The following RPL6 variants were observed in gnomAD, a reference collection of about 807,000 sequenced individuals.
The protein encoded by RPL6 is large ribosomal subunit protein eL6.
Under a neutral mutation model 32.1 loss-of-function variants are expected in RPL6, and 1 was observed. That is an observed-to-expected ratio of 0.03 (90% CI 0.01 to 0.15). RPL6 has a LOEUF of 0.15. Among genes scored for constraint, RPL6 ranks in the 10% least tolerant of loss-of-function variants. RPL6 has a pLI of 1.00. For synonymous variants in RPL6, 126 were observed against 131.6 expected (o/e 0.96, Z 0.29); for missense variants, 275 against 354.6 (o/e 0.78, Z 1.80).
intron 2 of RPL6, 28 bp downstream of exon 2, chr12:112,408,392 A>G (rs754681182): frequency 1.2e-6 from 2 of 1,613,816 alleles, no homozygotes; most frequent in South Asian, 2.2e-5. Context: ...AGGTTAAGAC[A>G]TAATGGTCCG....
Position 112,408,449 on chromosome 12 carries a change from T to G in RPL6, c.208A>C (p.Lys70Gln), listed in dbSNP as rs769036311. The G allele has an allele frequency of 6.8e-6, 11 of 1,614,186 alleles. No homozygotes were observed. Among genetic ancestry groups the G allele is most frequent in the Non-Finnish European group, 9.3e-6 (11 of 1,180,044 alleles). Residue 70 changes from lysine to glutamine, a missense_variant, in exon 2 of 7, where the codon AAG (lysine) becomes CAG (glutamine). Lys to Gln is a moderately conservative substitution (Grantham distance 53, BLOSUM62 1). Transcript: ENST00000202773. Reference protein sequence around the residue: ...SAMYSRKAMYKRKYSAAKSKV... With the variant: ...SAMYSRKAMYQRKYSAAKSKV... ...GATTTAGCGGCTGAGTACTTCCTCT[T>G]GTACATGGCCTTTCTGGAATACATG...
At chr12:112,406,142 T>C in intron 5 of RPL6, 105 bp from the exon 6 acceptor site, 1 of 1,227,852 alleles carries the variant, frequency 8.1e-7, no homozygotes, top group Non-Finnish European at 1.2e-6. Flanking sequence ...AGACCACTTG[T>C]CTAACCCACT....
chr12:112,408,481 C>G lies in RPL6; in HGVS notation c.176G>C (p.Arg59Pro). The change falls in exon 2 of 7, where the codon CGA becomes CCA. Residue 59 changes from arginine to proline, a missense_variant. Physicochemically the swap from Arg to Pro is moderately radical, Grantham distance 103. Coordinates refer to ENST00000202773, the MANE Select transcript of RPL6 (RefSeq NM_000970.6). ...GGCCTTTCTGGAATACATGGCAGAT[C>G]GGGAATACCTGCCAATTCCTCTGAC... is the stretch of plus-strand genomic sequence containing the variant. ...VLVRGIGRYSRSAMYSRKAMY... is the reference protein window; with the variant it reads ...VLVRGIGRYSPSAMYSRKAMY... 1 of 1,614,068 alleles carries G rather than the reference C, an allele frequency of 6.2e-7. No homozygotes were observed.
upstream of RPL6, among the ~76,000 whole-genome samples, chr12:112,413,431 G>T (rs551786394): frequency 2.1e-3 from 313 of 152,156 alleles, 2 homozygotes; most frequent in African/African-American, 7.2e-3. Context: ...CCAGCTACTC[G>T]GGAGGCTGAG....
At chr12:112,412,132 C>T (rs952793539), upstream of RPL6, among the ~76,000 whole-genome samples, 22 of 151,020 alleles carry the variant, frequency 1.5e-4, no homozygotes, top group South Asian at 4.2e-4. Context: ...CTTCGCCTCC[C>T]GGGTTCACGC....
chr12:112,410,153 G>GA (rs1181850603), upstream of RPL6, among the ~76,000 whole-genome samples: 1 of 151,248 alleles, frequency 6.6e-6, no homozygotes, highest in East Asian at 1.9e-4. Flanking sequence ...ACAAAAAAAA[G>GA]AAAAAAAGAA....
Position 112,408,665 on chromosome 12 carries a change from A to AC in RPL6, c.1-10_1-9insG, listed in dbSNP as rs1555264069. 1 of 1,560,914 alleles carries AC rather than the reference A, an allele frequency of 6.4e-7. No homozygotes were observed. The highest frequency in any genetic ancestry group is 8.6e-7 in the Non-Finnish European group (1 of 1,166,272). On this transcript the variant is annotated splice_polypyrimidine_tract_variant and intron_variant, in intron 1 of 6. Transcript: ENST00000202773. Reference sequence around the variant, plus strand: ...ACTTTTTCACCCGCCATCTAAAAATATTTTTTTGTAGATAAAAAAAGGCAT... The same window carrying AC: ...ACTTTTTCACCCGCCATCTAAAAATACTTTTTTTGTAGATAAAAAAAGGCAT...
At chr12:112,415,742 T>C (rs1703062046) in intron 1 of RPL6, among the ~76,000 whole-genome samples, 1 of 151,780 alleles carries the variant, frequency 6.6e-6, no homozygotes, top group African/African-American at 2.4e-5. Context: ...TTTTTTTTTT[T>C]TGTAGGGACA....
Position 112,405,935 on chromosome 12 carries a change from T to A in RPL6, c.632A>T (p.His211Leu). The part of the protein sequence containing the change: ...IDISNVKIPK[H>L]LTDAYFKKKK... ...CTTCTTGAAGTAAGCATCAGTAAGATGTTTTGGGATTTTTACATTGCTGAT... is the reference window on the plus strand; with the variant it reads ...CTTCTTGAAGTAAGCATCAGTAAGAAGTTTTGGGATTTTTACATTGCTGAT... Residue 211 changes from histidine (H) to leucine (L), a missense_variant, in exon 6 of 7, where the codon CAT (histidine) becomes CTT (leucine). Physicochemically the swap from His to Leu is moderately conservative, Grantham distance 99 (BLOSUM62 -3). Coordinates refer to ENST00000202773, the MANE Select transcript of RPL6 (RefSeq NM_000970.6). The A allele has an allele frequency of 1.2e-6, 2 of 1,614,034 alleles. No homozygotes were observed. The highest frequency in any genetic ancestry group is 3.3e-4 in the Middle Eastern group (2 of 6,062).
At chr12:112,406,172 T>C in intron 5 of RPL6, 122 bp downstream of exon 5, 1 of 1,186,898 alleles carries the variant, frequency 8.4e-7, no homozygotes, top group Non-Finnish European at 1.2e-6. Context: ...GGCAATGAAA[T>C]GGGCCTCAGA....
intron 1 of RPL6, chr12:112,408,877 G>A: frequency 2.0e-6 from 1 of 506,276 alleles, no homozygotes; most frequent in Non-Finnish European, 3.4e-6. Context: ...TTTTTTTTGA[G>A]AATTTGAAAC....
upstream of RPL6, among the ~76,000 whole-genome samples, chr12:112,410,596 T>C (rs143579353): frequency 8.1e-6 from 1 of 124,124 alleles, no homozygotes; most frequent in Admixed American, 9.3e-5. Context: ...TTTTTTGAGA[T>C]GGAGTCTCGC....
Position 112,407,041 on chromosome 12 carries a change from T to A in RPL6, c.337-151A>T. ...CCATTTTCATTTCTGCTAAGTAGACTTGGAAAAGGTCAATTATGCTTCTGC... is the reference window on the plus strand; with the variant it reads ...CCATTTTCATTTCTGCTAAGTAGACATGGAAAAGGTCAATTATGCTTCTGC... On this transcript the variant is annotated intron_variant, in intron 3 of 6. Transcript: ENST00000202773. 1.2e-5 allele frequency: 9 copies of A among 763,342 alleles called. No individual in the cohort carries two copies. In the South Asian group the frequency reaches 2.0e-4, roughly 17 times the overall value. The allele number at this position is 763,342 out of a possible 1,614,324, so 47.3% of individuals were successfully genotyped here. A position where few individuals can be genotyped will look rare whatever the true frequency, so the allele number is the denominator to read the frequency against.
At position 112,405,927 on chromosome 12, in the gene RPL6, C is replaced by T. The variant is rs757478551; in HGVS notation, c.640G>A (p.Asp214Asn). 2 of 1,613,994 alleles carry T rather than the reference C, an allele frequency of 1.2e-6. No individual in the cohort carries two copies. The highest frequency in any genetic ancestry group is 1.7e-5 in the Admixed American group (1 of 59,990). Reference protein sequence around the residue: ...SNVKIPKHLTDAYFKKKKLRK... With the variant: ...SNVKIPKHLTNAYFKKKKLRK... ...AGCTTCTTCTTCTTGAAGTAAGCAT[C>T]AGTAAGATGTTTTGGGATTTTTACA... Residue 214 changes from aspartate (D) to asparagine (N), a missense_variant, in exon 6 of 7, where the codon GAT (aspartate) becomes AAT (asparagine). Coordinates refer to ENST00000202773, the MANE Select transcript of RPL6 (RefSeq NM_000970.6).
chr12:112,409,166 G>A (rs551005835), intron 1 of RPL6: 2 of 310,888 alleles, frequency 6.4e-6, no homozygotes, highest in Non-Finnish European at 1.2e-5. Context: ...AAGACCAAGA[G>A]GCGACTTCCG....
chr12:112,409,612 G>T, upstream of RPL6: 1 of 398,138 alleles, frequency 2.5e-6, no homozygotes, highest in South Asian at 1.3e-4. Context: ...AGAGAATTAA[G>T]GTCCCGGCTT....
At chr12:112,418,736 C>G (rs1301664712) in exon 1 of RPL6, 2 of 362,380 alleles carry the variant, frequency 5.5e-6, no homozygotes, top group Non-Finnish European at 1.0e-5. Flanking sequence ...ACCTGGCGGC[C>G]GCGGTTTCCA....
chr12:112,405,826 C>T, intron 6 of RPL6, 27 bp downstream of exon 6: 1 of 1,591,912 alleles, frequency 6.3e-7, no homozygotes, highest in South Asian at 1.1e-5. Flanking sequence ...CCAGTGCTAA[C>T]ACAGGAGATG....
At chr12:112,409,855 A>G (rs971660525), upstream of RPL6, among the ~76,000 whole-genome samples, 3 of 152,188 alleles carry the variant, frequency 2.0e-5, no homozygotes, top group African/African-American at 7.2e-5. Context: ...TACTAAAAAT[A>G]CAAAAGGTAG....
Sources: allele counts gnomAD v4.1 joint callset (sites outside exome capture counted in the v4.1 genomes callset), GRCh38; gene constraint gnomAD v4.1.1; transcripts MANE v1.5; gene names NCBI Gene and HGNC (gene_info 2026-07-23, HGNC 2026-07-21).